RIC1: variants seen among roughly 807,000 people sequenced by gnomAD.
The protein encoded by RIC1 is RIC1 partner of RAB6A GEF complex, also known as guanine nucleotide exchange factor subunit RIC1.
In RIC1, 88 loss-of-function variants were observed where a neutral mutation model predicts 169.0. That is an observed-to-expected ratio of 0.52 (90% CI 0.44 to 0.62). The LOEUF (loss-of-function observed/expected upper bound fraction) is 0.62. RIC1 is among the 20% of genes least tolerant of loss of function. RIC1 has a pLI of 0.00. For missense variants in RIC1, 1,877 were observed against 1,725.5 expected (o/e 1.09, Z -1.56); for synonymous variants, 790 against 601.5 (o/e 1.31, Z -4.59).
At chr9:5,691,229 A>C (rs139088894) in intron 3 of RIC1, among the ~76,000 whole-genome samples, 1 of 151,984 alleles carries the variant, frequency 6.6e-6, no homozygotes, top group Non-Finnish European at 1.5e-5. Flanking sequence ...TTATATATGT[A>C]ATATGACCAT....
At chr9:5,694,413 T>C (rs1387811249) in intron 3 of RIC1, among the ~76,000 whole-genome samples, 1 of 152,244 alleles carries the variant, frequency 6.6e-6, no homozygotes, top group Non-Finnish European at 1.5e-5. Flanking sequence ...GTTTATAAAC[T>C]TGACAAAGTA....
chr9:5,768,836 A>T, intron 21 of RIC1, 134 bp from the exon 22 acceptor site: 1 of 964,404 alleles, frequency 1.0e-6, no homozygotes, highest in South Asian at 1.7e-5. Flanking sequence ...TTGATACTTT[A>T]TCTTCATTGT....
rs1044505210 is a variant in RIC1, at chr9:5,654,860, G to C, written c.145-1723G>C. Among the ~76,000 whole-genome samples the C allele has an allele frequency of 7.2e-5, 11 of 152,104 alleles. 1 individual carries two copies. The highest frequency in any genetic ancestry group is 6.6e-4 in the Admixed American group (10 of 15,264). On this transcript the variant is annotated intron_variant, in intron 1 of 25. Coordinates refer to ENST00000414202, the MANE Select transcript of RIC1 (RefSeq NM_020829.4). Reference sequence around the variant, plus strand: ...GAGCTACTGCGCCTGGCCTGCAAATGTGTTTATAATGACAAATTCCACTTT... The same window carrying C: ...GAGCTACTGCGCCTGGCCTGCAAATCTGTTTATAATGACAAATTCCACTTT...
intron 4 of RIC1, 84 bp from the exon 5 acceptor site, chr9:5,720,098 G>C (rs1823494528): frequency 1.0e-6 from 1 of 1,004,064 alleles, no homozygotes; most frequent in Admixed American, 2.5e-5. Flanking sequence ...ATTTTTGCAT[G>C]AGTATTCTCT....
chr9:5,683,133 C>A (rs570922173), intron 2 of RIC1, among the ~76,000 whole-genome samples: 57 of 152,200 alleles, frequency 3.7e-4, no homozygotes, highest in Non-Finnish European at 6.6e-4. Flanking sequence ...TTTTCTGAAG[C>A]CTTCTTTCAA....
At chr9:5,684,379 G>T (rs1268123142) in intron 2 of RIC1, among the ~76,000 whole-genome samples, 1 of 146,774 alleles carries the variant, frequency 6.8e-6, no homozygotes, top group Non-Finnish European at 1.5e-5. Context: ...TCCATTTGGG[G>T]AGAGTTGCTA....
chr9:5,728,194 A>G (rs983647846), intron 6 of RIC1, among the ~76,000 whole-genome samples: 7 of 152,186 alleles, frequency 4.6e-5, no homozygotes, highest in Non-Finnish European at 8.8e-5. Context: ...GGCTCCACCC[A>G]CTTGGAGCTT....
intron 1 of RIC1, among the ~76,000 whole-genome samples, chr9:5,645,807 G>T (rs117628547): frequency 6.6e-6 from 1 of 152,138 alleles, no homozygotes; most frequent in Non-Finnish European, 1.5e-5. Context: ...TCTGTTGATG[G>T]ACACATGGGC....
intron 2 of RIC1, among the ~76,000 whole-genome samples, chr9:5,675,713 C>G (rs1820401322): frequency 6.6e-6 from 1 of 152,084 alleles, no homozygotes; most frequent in Non-Finnish European, 1.5e-5. Context: ...GAAAAATGTA[C>G]ATACAAAATG....
At chr9:5,671,777 C>G (rs1215361467) in intron 2 of RIC1, among the ~76,000 whole-genome samples, 3 of 152,110 alleles carry the variant, frequency 2.0e-5, no homozygotes, top group African/African-American at 7.2e-5. Flanking sequence ...TCAGAATCAT[C>G]AAGATATCAA....
intron 13 of RIC1, 42 bp downstream of exon 13, chr9:5,753,280 A>C (rs1223365833): frequency 6.3e-7 from 1 of 1,580,446 alleles, no homozygotes; most frequent in Non-Finnish European, 8.7e-7. Context: ...GTTGACTAGC[A>C]TTTGCTGCAA....
At position 5,641,694 on chromosome 9, in the gene RIC1, C is replaced by T. The variant is rs1341512610; in HGVS notation, c.144+12241C>T. On this transcript the variant is annotated intron_variant, in intron 1 of 25. Coordinates refer to ENST00000414202, the MANE Select transcript of RIC1 (RefSeq NM_020829.4). The stretch of plus-strand genomic sequence containing the variant: ...AATTCTTTCTTCTGCTTGATCAATT[C>T]TGCTTTTCAGAGACTCTGATGCATT... Among the ~76,000 whole-genome samples, 3 of 145,136 alleles carry T rather than the reference C, an allele frequency of 2.1e-5. 1 individual carries two copies. Among genetic ancestry groups the T allele is most frequent in the African/African-American group, 8.4e-5 (3 of 35,758 alleles).
chr9:5,761,811 G>C (rs1826358297), intron 17 of RIC1, among the ~76,000 whole-genome samples: 1 of 152,170 alleles, frequency 6.6e-6, no homozygotes, highest in Admixed American at 6.5e-5. Context: ...TAAGTTGCGT[G>C]ATAGGGCTCA....
In RIC1 at chr9:5,771,000, G is replaced by C. The variant is rs553222786; in HGVS notation, c.3616+722G>C. Among the ~76,000 whole-genome samples the C allele has an allele frequency of 3.3e-4, 50 of 152,236 alleles. 1 individual carries two copies. In the South Asian group the frequency reaches 1.0e-2, roughly 30 times the overall value. Reference sequence around the variant, plus strand: ...TTGTCTAATGTTTGATTATCAGTCTGTCATCACTATTACCTGAGCTTCTGC... The same window carrying C: ...TTGTCTAATGTTTGATTATCAGTCTCTCATCACTATTACCTGAGCTTCTGC... On this transcript the variant is annotated intron_variant, in intron 23 of 25. Transcript: ENST00000414202.
At chr9:5,653,647 G>T (rs143334079) in intron 1 of RIC1, among the ~76,000 whole-genome samples, 1 of 151,766 alleles carries the variant, frequency 6.6e-6, no homozygotes, top group African/African-American at 2.4e-5. Context: ...ACCCAAGCTG[G>T]AGTGCAATGG....
At chr9:5,667,289 T>C (rs1207144392) in intron 2 of RIC1, among the ~76,000 whole-genome samples, 1 of 152,126 alleles carries the variant, frequency 6.6e-6, no homozygotes, top group Non-Finnish European at 1.5e-5. Context: ...GTCACAGCAC[T>C]CCAGCCTGGG....
chr9:5,677,346 A>C (rs1820510923), intron 2 of RIC1, among the ~76,000 whole-genome samples: 1 of 152,096 alleles, frequency 6.6e-6, no homozygotes, highest in Non-Finnish European at 1.5e-5. Context: ...TGTGTGTTCA[A>C]ATCTTTTGCC....
chr9:5,682,403 C>A (rs958808066), intron 2 of RIC1, among the ~76,000 whole-genome samples: 1 of 152,124 alleles, frequency 6.6e-6, no homozygotes, highest in Non-Finnish European at 1.5e-5. Context: ...GATTTTATTT[C>A]TCTTTCACTT....
intron 6 of RIC1, among the ~76,000 whole-genome samples, chr9:5,727,827 G>A (rs759975913): frequency 1.3e-5 from 2 of 152,220 alleles, no homozygotes; most frequent in Non-Finnish European, 2.9e-5. Context: ...CTGTTTGCCT[G>A]GGTATCACTA....
Sources: gnomAD v4.1 joint callset for allele counts (sites outside exome capture counted in the v4.1 genomes callset) on GRCh38, gnomAD v4.1.1 for gene constraint, MANE v1.5 for transcripts, NCBI Gene and HGNC (gene_info 2026-07-23, HGNC 2026-07-21) for gene names.